The following PIR variants were observed in gnomAD, a reference collection of about 807,000 sequenced individuals.
The protein encoded by PIR is pirin (iron-binding nuclear protein).
In PIR, 22 loss-of-function variants were observed where a neutral mutation model predicts 24.2. The observed-to-expected ratio is 0.91, with a 90% confidence interval of 0.65 to 1.30. The LOEUF (loss-of-function observed/expected upper bound fraction) is 1.30. PIR is among the 50% of genes most tolerant of loss of function. The pLI is 0.00. For synonymous variants in PIR, 80 were observed against 79.6 expected, an observed-to-expected ratio of 1.00 and a Z score of -0.03; for missense variants, 220 against 220.3, an observed-to-expected ratio of 1.00 and a Z score of 0.01.
At chrX:15,416,278 T>C (rs926192088) in intron 6 of PIR, among the ~76,000 whole-genome samples, 9 of 111,957 alleles carry the variant, frequency 8.0e-5, no homozygotes, top group Non-Finnish European at 5.6e-5. Context: ...AAAAAATTAC[T>C]CATGAATTAA....
chrX:15,475,380 A>G (rs1323201438), intron 3 of PIR, among the ~76,000 whole-genome samples: 2 of 111,473 alleles, frequency 1.8e-5, no homozygotes, highest in Non-Finnish European at 3.8e-5. Flanking sequence ...CTGAGAACAC[A>G]GTAGACAAGG....
At chrX:15,465,527 T>A (rs1402196902) in intron 3 of PIR, among the ~76,000 whole-genome samples, 2 of 112,196 alleles carry the variant, frequency 1.8e-5, no homozygotes, top group Non-Finnish European at 3.8e-5. Flanking sequence ...GTGAGTGTTA[T>A]GTTTAAACTC....
intron 5 of PIR, among the ~76,000 whole-genome samples, chrX:15,442,096 G>T (rs1280844729): frequency 9.2e-6 from 1 of 109,152 alleles, no homozygotes; most frequent in Non-Finnish European, 1.9e-5. Context: ...ACAAATTGAA[G>T]GTTTGTGGTA....
At chrX:15,437,664 A>C (rs1247788533) in intron 5 of PIR, among the ~76,000 whole-genome samples, 1 of 112,531 alleles carries the variant, frequency 8.9e-6, no homozygotes, top group Admixed American at 9.4e-5. Flanking sequence ...CTTCATATAG[A>C]CTGTGAAACT....
At chrX:15,460,786 T>C (rs1921268284) in intron 3 of PIR, among the ~76,000 whole-genome samples, 1 of 111,537 alleles carries the variant, frequency 9.0e-6, no homozygotes, top group Non-Finnish European at 1.9e-5. Context: ...TATACATACA[T>C]CAAATCATCA....
In PIR at chrX:15,479,762, T is replaced by C. The variant is rs1227791141; in HGVS notation, c.156A>G (p.Gly52=). 3 of 1,180,074 alleles carry C rather than the reference T, an allele frequency of 2.5e-6. No individual in the cohort carries two copies. Among genetic ancestry groups the C allele is most frequent in the South Asian group, 1.9e-5 (1 of 53,857 alleles). Residue 52 remains glycine (G), a synonymous_variant, in exon 3 of 10, where the codon GGA becomes GGG. Transcript: ENST00000380420. ...AACCTCGATGTGGATGATCAGGAAA[T>C]CCTCCTGGTCTACCTCCTTTAAATT... ...FDEFKGGRPG[G]FPDHPHRGFE...
chrX:15,424,190 G>GGATA (rs34351925), intron 6 of PIR, among the ~76,000 whole-genome samples: 30,949 of 111,304 alleles, frequency 0.28, 3,363 homozygotes, highest in East Asian at 0.5. Context: ...ATAGATGAAT[G>GGATA]AAGAAAATGT....
rs774459871 is a variant in PIR at position 15,442,197 on chromosome X, T to C, written c.480+13651A>G. Among the ~76,000 whole-genome samples the C allele has an allele frequency of 2.7e-5, 3 of 111,491 alleles. No homozygotes were observed. In the East Asian group the frequency reaches 8.4e-4, roughly 31 times the overall value. On this transcript the variant is annotated intron_variant, in intron 5 of 9. Coordinates refer to ENST00000380420, the MANE Select transcript of PIR (RefSeq NM_001018109.3). ...TGTCACATTTTGGTAATTCTTGCCA[T>C]ATTTCATTATCACGTTTTCATTATC...
intron 1 of PIR, among the ~76,000 whole-genome samples, chrX:15,492,492 T>A (rs1219524378): frequency 8.9e-6 from 1 of 111,971 alleles, no homozygotes; most frequent in Admixed American, 9.4e-5. Context: ...GTACCCCCAA[T>A]CCCTTAAATC....
At chrX:15,422,190 A>G (rs1215232852) in intron 6 of PIR, among the ~76,000 whole-genome samples, 1 of 110,807 alleles carries the variant, frequency 9.0e-6, no homozygotes, top group Non-Finnish European at 1.9e-5. Flanking sequence ...CACAGCTATC[A>G]CCATATTGAA....
chrX:15,398,178 A>G (rs959703103), intron 7 of PIR, among the ~76,000 whole-genome samples: 4 of 111,164 alleles, frequency 3.6e-5, no homozygotes, highest in Non-Finnish European at 5.7e-5. Flanking sequence ...GCACACCAAC[A>G]TGGCACGTGT....
At chrX:15,482,315 T>C (rs971183704) in intron 2 of PIR, among the ~76,000 whole-genome samples, 1 of 111,917 alleles carries the variant, frequency 8.9e-6, no homozygotes, top group African/African-American at 3.3e-5. Context: ...GTGGTAGACA[T>C]CCTTGTCTTC....
intron 6 of PIR, among the ~76,000 whole-genome samples, chrX:15,420,714 G>A (rs1039026817): frequency 1.8e-5 from 2 of 111,397 alleles, no homozygotes; most frequent in African/African-American, 6.5e-5. Context: ...ATGAGTGCCT[G>A]TAGTCCTAGC....
intron 5 of PIR, among the ~76,000 whole-genome samples, chrX:15,447,769 G>T (rs1184725717): frequency 1.8e-5 from 2 of 111,679 alleles, no homozygotes; most frequent in Non-Finnish European, 3.8e-5. Flanking sequence ...TGTGTTCCTG[G>T]GAAAAGACAT....
At chrX:15,480,350 T>TAC (rs745571528) in intron 2 of PIR, among the ~76,000 whole-genome samples, 34 of 110,536 alleles carry the variant, frequency 3.1e-4, no homozygotes, top group South Asian at 1.5e-3. Context: ...AATGGACTAA[T>TAC]ACACACACAC....
chrX:15,385,396 T>A (rs767529709), intron 9 of PIR, among the ~76,000 whole-genome samples: 37 of 112,179 alleles, frequency 3.3e-4, no homozygotes, highest in African/African-American at 1.2e-3. Context: ...TGATCTTTTT[T>A]ATTAAAAAGA....
rs1344282551 is a variant in PIR at position 15,425,972 on chromosome X, T to A, written c.499A>T (p.Thr167Ser). Reference protein sequence around the residue: ...LGIKSKVYTRTPTLYLDFKLD... With the variant: ...LGIKSKVYTRSPTLYLDFKLD... ...TTGAAGTCCAAATATAAGGTTGGTG[T>A]GCGAGTGTAAACCTTGGACTGAAAA... Residue 167 changes from threonine to serine, a missense_variant, in exon 6 of 10, where the codon ACA becomes TCA. Thr to Ser is a moderately conservative substitution (Grantham distance 58). Coordinates refer to ENST00000380420, the MANE Select transcript of PIR (RefSeq NM_001018109.3). 20 of 1,187,123 alleles carry A rather than the reference T, an allele frequency of 1.7e-5. No individual in the cohort carries two copies. The highest frequency in any genetic ancestry group is 2.3e-5 in the Non-Finnish European group (20 of 873,154).
At chrX:15,397,898 TA>T (rs1400921133) in intron 7 of PIR, among the ~76,000 whole-genome samples, 2 of 112,347 alleles carry the variant, frequency 1.8e-5, no homozygotes, top group Non-Finnish European at 3.8e-5. Flanking sequence ...CCACAAGTAT[TA>T]ATTGAGTACC....
chrX:15,482,510 C>G (rs1176466989), intron 2 of PIR, among the ~76,000 whole-genome samples: 1 of 111,807 alleles, frequency 8.9e-6, no homozygotes, highest in Non-Finnish European at 1.9e-5. Flanking sequence ...ACCATTGAGA[C>G]ACTTATATGA....
Sources: allele counts gnomAD v4.1 joint callset (sites outside exome capture counted in the v4.1 genomes callset), GRCh38; gene constraint gnomAD v4.1.1; transcripts MANE v1.5; gene names NCBI Gene and HGNC (gene_info 2026-07-23, HGNC 2026-07-21).